Variants in MEF2A observed in about 807,000 individuals in gnomAD.
The protein encoded by MEF2A is myocyte enhancer factor 2A.
Under a neutral mutation model 55.8 loss-of-function variants are expected in MEF2A, and 28 were observed. The ratio of observed to expected loss-of-function variants is 0.50; its 90% CI spans 0.37 to 0.69. The LOEUF (loss-of-function observed/expected upper bound fraction) is 0.69. Among genes scored for constraint, MEF2A ranks in the 30% least tolerant of loss-of-function variants. The pLI is 0.00. For missense variants in MEF2A, 528 were observed against 626.2 expected (o/e 0.84, Z 1.67); for synonymous variants, 239 against 227.1 (o/e 1.05, Z -0.47).
intron 2 of MEF2A, among the ~76,000 whole-genome samples, chr15:99,609,022 C>T (rs186113159): frequency 1.3e-5 from 2 of 152,282 alleles, no homozygotes; most frequent in East Asian, 3.9e-4. Context: ...CATAGCTAGA[C>T]CACAGCTAGT....
At chr15:99,577,331 T>G (rs1022519391) in intron 1 of MEF2A, among the ~76,000 whole-genome samples, 1 of 152,220 alleles carries the variant, frequency 6.6e-6, no homozygotes, top group Non-Finnish European at 1.5e-5. Flanking sequence ...ACATAAAGAT[T>G]TATTTCACAG....
rs541050201 is a variant in MEF2A, at chr15:99,660,747, A to G, written c.259-10576A>G. Among the ~76,000 whole-genome samples the G allele has an allele frequency of 3.9e-5, 6 of 152,368 alleles. No individual in the cohort carries two copies. The South Asian group carries it at 1.2e-3, about 32-fold the overall frequency. On this transcript the variant is annotated intron_variant, in intron 4 of 11. Coordinates refer to ENST00000557942, the MANE Select transcript of MEF2A (RefSeq NM_001319206.4). ...TCTAGTGATATGTAGAAGAGATAAT[A>G]TATTATGACTAAGTTGAATGTATCC... is the stretch of plus-strand genomic sequence containing the variant.
chr15:99,611,666 T>C (rs747842163), intron 2 of MEF2A, among the ~76,000 whole-genome samples: 2 of 152,272 alleles, frequency 1.3e-5, no homozygotes, highest in Non-Finnish European at 2.9e-5. Flanking sequence ...GTTCTGCTCC[T>C]AGCGATATAT....
chr15:99,598,634 T>C (rs1436838722), intron 2 of MEF2A, 123 bp downstream of exon 2: 1 of 152,194 alleles, frequency 6.6e-6, no homozygotes, highest in Non-Finnish European at 1.5e-5. Flanking sequence ...GAGGGGGGCT[T>C]AATTTAGACC....
intron 4 of MEF2A, among the ~76,000 whole-genome samples, chr15:99,647,912 T>C (rs189060246): frequency 1.3e-4 from 20 of 152,316 alleles, no homozygotes; most frequent in Admixed American, 1.1e-3. Flanking sequence ...AGTCAACTTT[T>C]ATTAAGAGAG....
intron 4 of MEF2A, chr15:99,645,980 TA>T (rs1287999394): frequency 4.8e-6 from 2 of 415,240 alleles, no homozygotes; most frequent in East Asian, 7.2e-5. Flanking sequence ...TATGTTGTTT[TA>T]CCATGTATAC....
At chr15:99,675,512 A>G in intron 7 of MEF2A, 54 bp downstream of exon 7, 1 of 1,440,644 alleles carries the variant, frequency 6.9e-7, no homozygotes, top group Non-Finnish European at 9.7e-7. Context: ...TATGAGATCA[A>G]AGGAATGTTG....
At chr15:99,699,481 G>C (rs940460885) in intron 8 of MEF2A, among the ~76,000 whole-genome samples, 1 of 152,224 alleles carries the variant, frequency 6.6e-6, no homozygotes, top group Admixed American at 6.5e-5. Context: ...TAGATGCATG[G>C]GTCTGTGTTT....
At chr15:99,623,516 G>T (rs963658061) in intron 2 of MEF2A, among the ~76,000 whole-genome samples, 12 of 152,176 alleles carry the variant, frequency 7.9e-5, no homozygotes, top group African/African-American at 2.9e-4. Flanking sequence ...ACATTCCCAA[G>T]AACAGTGCAC....
At chr15:99,624,001 T>C (rs1269578829) in intron 2 of MEF2A, among the ~76,000 whole-genome samples, 1 of 152,164 alleles carries the variant, frequency 6.6e-6, no homozygotes, top group African/African-American at 2.4e-5. Context: ...AGATTGGGTT[T>C]CACTATGTTG....
intron 4 of MEF2A, among the ~76,000 whole-genome samples, chr15:99,651,314 C>G (rs1210752975): frequency 6.6e-6 from 1 of 152,112 alleles, no homozygotes; most frequent in Non-Finnish European, 1.5e-5. Context: ...CTTGACCTTA[C>G]AAAAGTAGAA....
At chr15:99,669,781 C>A (rs549511784) in intron 4 of MEF2A, among the ~76,000 whole-genome samples, 1 of 152,156 alleles carries the variant, frequency 6.6e-6, no homozygotes, top group African/African-American at 2.4e-5. Context: ...TTATGTTCTA[C>A]TTCATTCAAG....
chr15:99,681,009 T>C (rs2053149613), intron 7 of MEF2A, among the ~76,000 whole-genome samples: 1 of 152,236 alleles, frequency 6.6e-6, no homozygotes, highest in African/African-American at 2.4e-5. Context: ...TATGATTTAC[T>C]AGGTATATTT....
rs1447941205 is a variant in MEF2A, at chr15:99,594,161, A to T, written c.-224-4269A>T. On this transcript the variant is annotated intron_variant, in intron 1 of 11. Coordinates refer to ENST00000557942, the MANE Select transcript of MEF2A (RefSeq NM_001319206.4). ...CTGACCCACTTCAGATGCCAACTAC[A>T]AGTCCCTGGTTGTGATCAGTACTTC... Among the ~76,000 whole-genome samples, 14 of 152,342 alleles carry T rather than the reference A, an allele frequency of 9.2e-5. No individual in the cohort carries two copies. The South Asian group carries it at 2.9e-3, about 32-fold the overall frequency.
rs2058645885 is a variant in MEF2A at position 99,711,554 on chromosome 15, G to C, written c.1136+794G>C. On this transcript the variant is annotated intron_variant, in intron 11 of 11. Coordinates refer to ENST00000557942, the MANE Select transcript of MEF2A (RefSeq NM_001319206.4). ...TCCCAAGAGAGGGGACAACATAGCA[G>C]ACCCAGCTGGCCTCCATGAAGACTG... is the stretch of plus-strand genomic sequence containing the variant. Among the ~76,000 whole-genome samples, 5 of 152,296 alleles carry C rather than the reference G, an allele frequency of 3.3e-5. No individual in the cohort carries two copies. In the South Asian group the frequency reaches 1.0e-3, roughly 32 times the overall value.
chr15:99,682,841 T>C (rs1332333828), intron 7 of MEF2A, among the ~76,000 whole-genome samples: 2 of 152,230 alleles, frequency 1.3e-5, no homozygotes, highest in Non-Finnish European at 2.9e-5. Context: ...TTTTTGTCTT[T>C]GAGAGGAAAT....
intron 7 of MEF2A, among the ~76,000 whole-genome samples, chr15:99,679,425 A>G (rs1453436877): frequency 1.3e-5 from 2 of 152,248 alleles, no homozygotes; most frequent in East Asian, 3.8e-4. Context: ...ACATGGATGA[A>G]TGTCACCAAA....
intron 1 of MEF2A, among the ~76,000 whole-genome samples, chr15:99,589,719 T>A (rs1968603052): frequency 1.3e-5 from 2 of 152,138 alleles, no homozygotes; most frequent in Non-Finnish European, 2.9e-5. Context: ...TTTTTAAAAT[T>A]TTAAATGATT....
chr15:99,590,715 T>C (rs1349102556), intron 1 of MEF2A, among the ~76,000 whole-genome samples: 1 of 151,998 alleles, frequency 6.6e-6, no homozygotes, highest in Admixed American at 6.6e-5. Flanking sequence ...GCAATCCACC[T>C]TCATCACTTT....
Sources: gnomAD v4.1 joint callset for allele counts (sites outside exome capture counted in the v4.1 genomes callset) on GRCh38, gnomAD v4.1.1 for gene constraint, MANE v1.5 for transcripts, NCBI Gene and HGNC (gene_info 2026-07-23, HGNC 2026-07-21) for gene names.